The following DENND5B variants were observed in gnomAD, a reference collection of about 807,000 sequenced individuals.
The protein encoded by DENND5B is DENN domain containing 5B.
DENND5B carries 34 observed loss-of-function variants against 140.6 expected under a neutral mutation model. That is an observed-to-expected ratio of 0.24 (90% CI 0.18 to 0.32). The LOEUF is 0.32. Ranked by LOEUF, DENND5B falls within the 10% of genes least tolerant of loss-of-function variation. The pLI is 1.00. For missense variants in DENND5B, 1,142 were observed against 1,560.2 expected (o/e 0.73, Z 4.52); for synonymous variants, 551 against 562.1 (o/e 0.98, Z 0.28).
chr12:31,562,933 T>C (rs76426954), intron 1 of DENND5B, among the ~76,000 whole-genome samples: 1 of 143,560 alleles, frequency 7.0e-6, no homozygotes, highest in African/African-American at 2.5e-5. Context: ...TTCCTTTTTT[T>C]TTTTTTTTAA....
chr12:31,460,907 G>A (rs764384675), intron 3 of DENND5B, among the ~76,000 whole-genome samples: 9 of 151,872 alleles, frequency 5.9e-5, no homozygotes, highest in Non-Finnish European at 8.8e-5. Flanking sequence ...TGTATTTTTC[G>A]TAGAGATGGG....
intron 15 of DENND5B, among the ~76,000 whole-genome samples, chr12:31,400,714 C>A (rs143047613): frequency 1.3e-5 from 2 of 152,150 alleles, no homozygotes; most frequent in Non-Finnish European, 2.9e-5. Flanking sequence ...GTGTGACAAT[C>A]CAATTATACT....
At chr12:31,553,682 T>C (rs1949158652) in intron 1 of DENND5B, among the ~76,000 whole-genome samples, 2 of 152,160 alleles carry the variant, frequency 1.3e-5, no homozygotes, top group Admixed American at 6.5e-5. Context: ...CTCCCATTAT[T>C]ATTGTGTGGG....
At chr12:31,556,149 C>G (rs576004470) in intron 1 of DENND5B, among the ~76,000 whole-genome samples, 154 of 152,332 alleles carry the variant, frequency 1.0e-3, no homozygotes, top group African/African-American at 3.5e-3. Context: ...CTGCGTTGCT[C>G]ACAATGGGAG....
At chr12:31,514,894 G>A (rs1947567846) in intron 1 of DENND5B, among the ~76,000 whole-genome samples, 1 of 152,082 alleles carries the variant, frequency 6.6e-6, no homozygotes, top group Non-Finnish European at 1.5e-5. Flanking sequence ...CACTTTGGGA[G>A]GCTGAAGCAG....
At chr12:31,509,696 G>C (rs1947336353) in intron 1 of DENND5B, among the ~76,000 whole-genome samples, 1 of 152,084 alleles carries the variant, frequency 6.6e-6, no homozygotes, top group Non-Finnish European at 1.5e-5. Context: ...CTAAGAGGAG[G>C]GAGATAATAA....
intron 1 of DENND5B, among the ~76,000 whole-genome samples, chr12:31,559,751 G>GA (rs1949411163): frequency 6.6e-6 from 1 of 151,952 alleles, no homozygotes; most frequent in Non-Finnish European, 1.5e-5. Flanking sequence ...AACAGTGAAA[G>GA]AAATAGAATC....
chr12:31,542,597 G>A (rs1565679456), intron 1 of DENND5B, among the ~76,000 whole-genome samples: 1 of 152,178 alleles, frequency 6.6e-6, no homozygotes, highest in Admixed American at 6.5e-5. Context: ...TTGAATGCAT[G>A]TATAAAAATA....
chr12:31,433,008 CG>C, intron 8 of DENND5B, 146 bp downstream of exon 8: 1 of 647,266 alleles, frequency 1.5e-6, no homozygotes, highest in South Asian at 2.3e-5. Flanking sequence ...GCTATATGTC[CG>C]TACAAAAGGA....
Position 31,423,650 on chromosome 12 carries a change from A to G in DENND5B, c.2417T>C (p.Leu806Ser). The G allele has an allele frequency of 6.2e-7, 1 of 1,613,960 alleles. No homozygotes were observed. Among genetic ancestry groups the G allele is most frequent in the East Asian group, 2.2e-5 (1 of 44,866 alleles). Residue 806 changes from leucine (L) to serine (S), a missense_variant, in exon 11 of 21, where the codon TTA (leucine) becomes TCA (serine). This residue lies in a region of DENND5B where 268 missense variants were observed against 349.2 expected (regional missense o/e 0.77). Transcript: ENST00000389082. ...CTCTTCTCTGTCCTGAAATTGAATT[A>G]AATGTGACCACAAAGCCGACTTCCC... Reference protein sequence around the residue: ...KQGKSALWSHLIQFQDREEKQ... With the variant: ...KQGKSALWSHSIQFQDREEKQ...
intron 2 of DENND5B, among the ~76,000 whole-genome samples, chr12:31,480,698 A>G (rs970239380): frequency 1.3e-5 from 2 of 152,246 alleles, no homozygotes; most frequent in African/African-American, 4.8e-5. Flanking sequence ...GTACTCAAGT[A>G]TTTAATACAG....
At chr12:31,390,601 A>C (rs1941082897) in intron 19 of DENND5B, among the ~76,000 whole-genome samples, 1 of 152,040 alleles carries the variant, frequency 6.6e-6, no homozygotes, top group Non-Finnish European at 1.5e-5. Flanking sequence ...ACACCATTGT[A>C]CTCCAGCCTG....
chr12:31,413,354 A>G lies in DENND5B; in HGVS notation c.2681+82T>C. ...CAGGATACAGCACTTCATACTGAAG[A>G]AGCCAGTTTGTCAGTTTATGCAACT... On this transcript the variant is annotated intron_variant, in intron 13 of 20. Coordinates refer to ENST00000389082, the MANE Select transcript of DENND5B (RefSeq NM_144973.4). 3.3e-6 allele frequency: 5 copies of G among 1,522,224 alleles called. No homozygotes were observed. The African/African-American group carries it at 4.1e-5, about 13-fold the overall frequency. 94.3% of individuals were successfully genotyped at this position (1,522,224 alleles called of 1,614,324 possible).
chr12:31,392,014 C>T (rs540486901), intron 19 of DENND5B, among the ~76,000 whole-genome samples: 3 of 151,572 alleles, frequency 2.0e-5, no homozygotes, highest in African/African-American at 7.3e-5. Context: ...TGGTGCACAC[C>T]TGTAGTCCCA....
chr12:31,480,746 G>A (rs1390874795), intron 2 of DENND5B, among the ~76,000 whole-genome samples: 1 of 152,040 alleles, frequency 6.6e-6, no homozygotes, highest in Non-Finnish European at 1.5e-5. Context: ...GTGGAAAAAA[G>A]TTAAACAAAG....
chr12:31,509,089 C>G (rs1404288184), intron 1 of DENND5B, among the ~76,000 whole-genome samples: 1 of 152,064 alleles, frequency 6.6e-6, no homozygotes, highest in African/African-American at 2.4e-5. Flanking sequence ...GTCTTCCTTC[C>G]TCCCTCCATC....
At chr12:31,474,470 G>C (rs867380489) in intron 3 of DENND5B, among the ~76,000 whole-genome samples, 1 of 152,142 alleles carries the variant, frequency 6.6e-6, no homozygotes, top group Non-Finnish European at 1.5e-5. Flanking sequence ...TCTCTACTTA[G>C]AATTTCTAGC....
At chr12:31,451,822 T>C (rs1374926423) in intron 5 of DENND5B, 118 bp downstream of exon 5, 2 of 1,264,520 alleles carry the variant, frequency 1.6e-6, no homozygotes, top group Admixed American at 2.9e-5. Context: ...TAAAAAAGGT[T>C]AACAAAATCA....
intron 1 of DENND5B, among the ~76,000 whole-genome samples, chr12:31,565,920 T>C (rs758426169): frequency 7.9e-5 from 12 of 152,010 alleles, no homozygotes; most frequent in East Asian, 5.8e-4. Flanking sequence ...GGCAGGTGGA[T>C]TGCTTGAACC....
Sources: gnomAD v4.1 joint callset for allele counts (sites outside exome capture counted in the v4.1 genomes callset) on GRCh38, gnomAD v4.1.1 for gene constraint, gnomAD v4.1.1 regional missense constraint, MANE v1.5 for transcripts, NCBI Gene and HGNC (gene_info 2026-07-23, HGNC 2026-07-21) for gene names.